Variants in SMC6 observed in about 807,000 individuals in gnomAD.
SMC6 encodes structural maintenance of chromosomes protein 6.
A neutral mutation model predicts 142.2 loss-of-function variants in SMC6; 79 were observed. The observed-to-expected ratio is 0.56, with a 90% CI of 0.46 to 0.67. The LOEUF is 0.67. Ranked by LOEUF, SMC6 falls within the 30% of genes least tolerant of loss-of-function variation. SMC6 has a pLI of 0.00. For missense variants in SMC6, 1,072 were observed against 1,284.0 expected (o/e 0.83, Z 2.52); for synonymous variants, 411 against 412.4 (o/e 1.00, Z 0.04).
intron 18 of SMC6, among the ~76,000 whole-genome samples, chr2:17,704,622 C>T (rs1422493633): frequency 6.6e-6 from 1 of 152,208 alleles, no homozygotes; most frequent in African/African-American, 2.4e-5. Context: ...TATTTCTCCA[C>T]ATTTTAACAT....
chr2:17,671,481 C>T (rs984598395), intron 25 of SMC6, among the ~76,000 whole-genome samples: 10 of 151,428 alleles, frequency 6.6e-5, no homozygotes, highest in Non-Finnish European at 1.5e-4. Context: ...TGGTGGCATA[C>T]TCCTGTGGTC....
In SMC6 at chr2:17,746,001, T is replaced by G; in HGVS notation, c.-5-50A>C. ...TGAGGTAAATCAAGTTCCATATATA[T>G]TAAACTCAACAAAATAAATCTAACA... On this transcript the variant is annotated intron_variant, in intron 2 of 27. Transcript: ENST00000448223. 2.0e-6 allele frequency: 3 copies of G among 1,466,602 alleles called. No homozygotes were observed. The South Asian group carries it at 4.2e-5, about 21-fold the overall frequency. The allele number at this position is 1,466,602 out of a possible 1,614,324, so 90.8% of individuals were successfully genotyped here. A position where few individuals can be genotyped will look rare whatever the true frequency, so the allele number is the denominator to read the frequency against.
chr2:17,672,049 A>T lies in SMC6; in HGVS notation c.2911-1474T>A, dbSNP rs181669538. Among the ~76,000 whole-genome samples the T allele has an allele frequency of 4.1e-4, 62 of 152,258 alleles. 1 individual carries two copies. In the East Asian group the frequency reaches 7.5e-3, roughly 18 times the overall value. On this transcript the variant is annotated intron_variant, in intron 25 of 27. Transcript: ENST00000448223. ...TAAGGTAAATATTCCAATTCTAAAC[A>T]TACTCTAAAATTTTACACCTATCAT...
chr2:17,723,018 AGAAAG>A (rs1184464985), intron 9 of SMC6, among the ~76,000 whole-genome samples: 20 of 151,340 alleles, frequency 1.3e-4, no homozygotes, highest in African/African-American at 4.9e-4. Context: ...AAAAAAGAAA[AGAAAG>A]GAAAAAAAAA....
intron 21 of SMC6, among the ~76,000 whole-genome samples, chr2:17,697,115 T>G (rs1384566381): frequency 2.0e-5 from 3 of 152,122 alleles, no homozygotes; most frequent in Non-Finnish European, 4.4e-5. Flanking sequence ...TACTTCATGA[T>G]GAAATATAGA....
At chr2:17,720,774 C>T (rs1246634902) in intron 11 of SMC6, among the ~76,000 whole-genome samples, 166 bp downstream of exon 11, 3 of 152,148 alleles carry the variant, frequency 2.0e-5, no homozygotes, top group African/African-American at 7.2e-5. Context: ...AGAGTCACCA[C>T]AACAGGCCTT....
intron 16 of SMC6, among the ~76,000 whole-genome samples, chr2:17,712,751 A>T (rs1274234250): frequency 3.3e-5 from 5 of 152,242 alleles, no homozygotes. Context: ...ACCATAATTC[A>T]TACCGAAAAA....
intron 5 of SMC6, among the ~76,000 whole-genome samples, chr2:17,737,971 A>C (rs1670238763): frequency 6.6e-6 from 1 of 152,178 alleles, no homozygotes. Flanking sequence ...TTCTTTCAGC[A>C]AGTAACAGAA....
At chr2:17,690,761 A>T (rs1461640130) in intron 23 of SMC6, among the ~76,000 whole-genome samples, 2 of 152,126 alleles carry the variant, frequency 1.3e-5, no homozygotes, top group Admixed American at 1.3e-4. Context: ...GTTCAACTTC[A>T]CTCAATGTAA....
Position 17,725,312 on chromosome 2 carries a change from G to A in SMC6, c.671C>T (p.Ser224Leu). The A allele has an allele frequency of 6.2e-7, 1 of 1,608,308 alleles. No individual in the cohort carries two copies. The highest frequency in any genetic ancestry group is 8.5e-7 in the Non-Finnish European group (1 of 1,178,706). The change falls in exon 9 of 28, where the codon TCA becomes TTA. Residue 224 changes from serine (S) to leucine (L), a missense_variant. This residue lies in a region of SMC6 where 994 missense variants were observed against 1,153.2 expected (regional missense o/e 0.86). Coordinates refer to ENST00000448223, the MANE Select transcript of SMC6 (RefSeq NM_001142286.2). The stretch of plus-strand genomic sequence containing the variant: ...TCTTTCTTTCGTTTCCATAATGTAT[G>A]AATAATCTTCCTTCATCTGTTCAAG... The part of the protein sequence containing the change: ...TQLEQMKEDY[S>L]YIMETKERTK...
intron 23 of SMC6, among the ~76,000 whole-genome samples, chr2:17,694,607 C>T (rs1667903502): frequency 6.6e-6 from 1 of 152,118 alleles, no homozygotes; most frequent in African/African-American, 2.4e-5. Context: ...TCAGAACAAT[C>T]CCCATTTTGT....
At chr2:17,672,067 C>T (rs1401817524) in intron 25 of SMC6, among the ~76,000 whole-genome samples, 2 of 151,984 alleles carry the variant, frequency 1.3e-5, no homozygotes, top group Admixed American at 6.6e-5. Flanking sequence ...AAATTTTACA[C>T]CTATCATAAG....
At chr2:17,668,815 G>A (rs1666621973) in intron 26 of SMC6, among the ~76,000 whole-genome samples, 1 of 152,070 alleles carries the variant, frequency 6.6e-6, no homozygotes, top group African/African-American at 2.4e-5. Context: ...AAAAAAGCAG[G>A]CAGGTACGAT....
At chr2:17,688,101 A>T (rs1187852333) in intron 23 of SMC6, among the ~76,000 whole-genome samples, 1 of 152,112 alleles carries the variant, frequency 6.6e-6, no homozygotes, top group Non-Finnish European at 1.5e-5. Flanking sequence ...ACACCAATAC[A>T]AACTCACGTT....
Position 17,666,539 on chromosome 2 carries a change from T to C in SMC6, c.3064-22A>G, listed in dbSNP as rs112482853. 1.3e-3 allele frequency: 2,054 copies of C among 1,552,484 alleles called. 24 individuals are homozygous for C. The African/African-American group carries it at 0.023, about 17-fold the overall frequency. On this transcript the variant is annotated intron_variant, in intron 26 of 27. Coordinates refer to ENST00000448223, the MANE Select transcript of SMC6 (RefSeq NM_001142286.2). ...TATCCTGAAAAACAAAGGCAAAAGT[T>C]AGGATTGCTATTGTGTAAGTCACAT...
intron 23 of SMC6, among the ~76,000 whole-genome samples, chr2:17,690,558 C>T (rs1053076527): frequency 1.3e-5 from 2 of 152,032 alleles, no homozygotes; most frequent in Admixed American, 6.6e-5. Flanking sequence ...TGCACCACTG[C>T]ACTCCAGCCT....
At chr2:17,720,323 G>A (rs934820561) in intron 11 of SMC6, among the ~76,000 whole-genome samples, 9 of 152,200 alleles carry the variant, frequency 5.9e-5, no homozygotes, top group African/African-American at 1.7e-4. Context: ...CTCTAGGCCC[G>A]TGTGGAAGAC....
At chr2:17,746,420 A>T (rs1352469165) in intron 2 of SMC6, 2 of 152,362 alleles carry the variant, frequency 1.3e-5, no homozygotes. Context: ...CTAGTTTTCT[A>T]AATCTATTCA....
At chr2:17,711,178 C>T (rs574979393) in intron 16 of SMC6, among the ~76,000 whole-genome samples, 1 of 152,112 alleles carries the variant, frequency 6.6e-6, no homozygotes, top group Non-Finnish European at 1.5e-5. Flanking sequence ...GCTGTTACTA[C>T]CAGTTTCCTC....
Sources: gnomAD v4.1 joint callset for allele counts (sites outside exome capture counted in the v4.1 genomes callset) on GRCh38, gnomAD v4.1.1 for gene constraint, gnomAD v4.1.1 regional missense constraint, MANE v1.5 for transcripts, NCBI Gene and HGNC (gene_info 2026-07-23, HGNC 2026-07-21) for gene names.